Variants in ANKRD44 observed in about 807,000 individuals in gnomAD.
The protein encoded by ANKRD44 is ankyrin repeat domain 44.
In ANKRD44, 35 loss-of-function variants were observed where a neutral mutation model predicts 116.0. The ratio of observed to expected loss-of-function variants is 0.30; its 90% CI spans 0.23 to 0.40. The LOEUF is 0.40. Among genes scored for constraint, ANKRD44 ranks in the 10% least tolerant of loss-of-function variants. ANKRD44 has a pLI of 1.00. For missense variants in ANKRD44, 1,014 were observed against 1,242.6 expected, an observed-to-expected ratio of 0.82 and a Z score of 2.77; for synonymous variants, 435 against 461.8, an observed-to-expected ratio of 0.94 and a Z score of 0.74.
At chr2:197,165,531 A>T (rs1320129678) in intron 2 of ANKRD44, among the ~76,000 whole-genome samples, 3 of 152,248 alleles carry the variant, frequency 2.0e-5, no homozygotes, top group Non-Finnish European at 4.4e-5. Flanking sequence ...ACCTGTAAGC[A>T]GCTAGGAATA....
At chr2:197,197,904 C>G (rs527933284) in intron 1 of ANKRD44, 1 of 152,092 alleles carries the variant, frequency 6.6e-6, no homozygotes, top group African/African-American at 2.4e-5. Flanking sequence ...CAGTCTCTCC[C>G]TTGATGAGGT....
intron 18 of ANKRD44, among the ~76,000 whole-genome samples, chr2:197,011,131 C>T (rs1281709022): frequency 6.6e-6 from 1 of 152,134 alleles, no homozygotes; most frequent in East Asian, 1.9e-4. Context: ...AATCTGCTAC[C>T]ATTGGTGAAG....
intron 1 of ANKRD44, among the ~76,000 whole-genome samples, chr2:197,188,783 C>G (rs2080751550): frequency 6.6e-6 from 1 of 152,116 alleles, no homozygotes; most frequent in South Asian, 2.1e-4. Context: ...CTAGAAATAT[C>G]TTAGTCCTAG....
intron 17 of ANKRD44, among the ~76,000 whole-genome samples, chr2:197,022,697 G>A (rs773588744): frequency 1.3e-5 from 2 of 152,162 alleles, no homozygotes; most frequent in Non-Finnish European, 2.9e-5. Flanking sequence ...GAGATTCTAT[G>A]CTACGTAAAA....
At chr2:197,288,598 T>A (rs1365908232) in intron 1 of ANKRD44, among the ~76,000 whole-genome samples, 1 of 151,578 alleles carries the variant, frequency 6.6e-6, no homozygotes, top group Non-Finnish European at 1.5e-5. Flanking sequence ...CATCAACAGA[T>A]GAATGGATAA....
chr2:197,304,404 C>T (rs1284270188), intron 1 of ANKRD44, among the ~76,000 whole-genome samples: 2 of 152,192 alleles, frequency 1.3e-5, no homozygotes, highest in African/African-American at 2.4e-5. Flanking sequence ...AGTCCTAAGT[C>T]ATTGACATGG....
At chr2:196,977,117 A>G (rs2075766583) in intron 21 of ANKRD44, among the ~76,000 whole-genome samples, 2 of 152,230 alleles carry the variant, frequency 1.3e-5, no homozygotes, top group African/African-American at 4.8e-5. Context: ...TGAATTTAAC[A>G]AAATAAGTGC....
chr2:197,283,434 A>T (rs928073576), intron 1 of ANKRD44, among the ~76,000 whole-genome samples: 3 of 152,244 alleles, frequency 2.0e-5, no homozygotes, highest in Non-Finnish European at 2.9e-5. Context: ...CTGAAATCTC[A>T]GTATGAATCT....
At chr2:197,279,162 A>T (rs1270052985) in intron 1 of ANKRD44, among the ~76,000 whole-genome samples, 1 of 152,224 alleles carries the variant, frequency 6.6e-6, no homozygotes. Flanking sequence ...AAAGACTGAT[A>T]AAATATTGCC....
At chr2:197,214,464 G>A (rs1406181130) in intron 1 of ANKRD44, among the ~76,000 whole-genome samples, 1 of 152,126 alleles carries the variant, frequency 6.6e-6, no homozygotes, top group Non-Finnish European at 1.5e-5. Context: ...CAATGAGATA[G>A]CAAGTCTATA....
intron 17 of ANKRD44, chr2:197,016,077 CAGGTTACTTTGAGACA>C: frequency 2.2e-6 from 1 of 459,078 alleles, no homozygotes; most frequent in Admixed American, 2.5e-5. Flanking sequence ...AGGAGAGCTG[CAGGTTACTTTGAGACA>C]ATTGTCCCAA....
At chr2:197,208,435 C>G (rs2081255856) in intron 1 of ANKRD44, among the ~76,000 whole-genome samples, 1 of 152,134 alleles carries the variant, frequency 6.6e-6, no homozygotes, top group Admixed American at 6.5e-5. Flanking sequence ...GGTTCAGTTC[C>G]CAGTGAGAGA....
At chr2:197,249,826 A>C (rs1363461341) in intron 1 of ANKRD44, among the ~76,000 whole-genome samples, 1 of 152,252 alleles carries the variant, frequency 6.6e-6, no homozygotes, top group Non-Finnish European at 1.5e-5. Flanking sequence ...GGTTTAAAAT[A>C]CATAAGACAG....
chr2:197,206,226 C>A (rs182121882), intron 1 of ANKRD44, among the ~76,000 whole-genome samples: 1 of 152,278 alleles, frequency 6.6e-6, no homozygotes, highest in Non-Finnish European at 1.5e-5. Flanking sequence ...TTTTTTCACT[C>A]ATTCTTTCAG....
intron 2 of ANKRD44, among the ~76,000 whole-genome samples, chr2:197,158,507 GA>G (rs2079878088): frequency 6.6e-6 from 1 of 152,106 alleles, no homozygotes; most frequent in South Asian, 2.1e-4. Flanking sequence ...ATAACTAAAA[GA>G]ATAACATAAT....
At chr2:197,220,500 G>C (rs1052982571) in intron 1 of ANKRD44, among the ~76,000 whole-genome samples, 9 of 152,200 alleles carry the variant, frequency 5.9e-5, no homozygotes, top group African/African-American at 2.2e-4. Context: ...AAATGCAACA[G>C]AGAGTTGTCA....
chr2:197,061,783 C>CCTT (rs1553498809), intron 16 of ANKRD44, among the ~76,000 whole-genome samples: 1 of 143,768 alleles, frequency 7.0e-6, no homozygotes, highest in Non-Finnish European at 1.5e-5. Context: ...ATATCCATGC[C>CCTT]TTTTTTTTTT....
chr2:197,267,460 G>A (rs540082401), intron 1 of ANKRD44, among the ~76,000 whole-genome samples: 2 of 152,286 alleles, frequency 1.3e-5, no homozygotes, highest in African/African-American at 4.8e-5. Flanking sequence ...GCCTCTGAGG[G>A]CCTAAGGCCT....
At chr2:197,275,954 T>G (rs1225823618) in intron 1 of ANKRD44, among the ~76,000 whole-genome samples, 1 of 152,068 alleles carries the variant, frequency 6.6e-6, no homozygotes, top group Non-Finnish European at 1.5e-5. Flanking sequence ...ACCCTATAAA[T>G]TGAGGGAAGG....
Sources: gnomAD v4.1 joint callset for allele counts (sites outside exome capture counted in the v4.1 genomes callset) on GRCh38, gnomAD v4.1.1 for gene constraint, MANE v1.5 for transcripts, NCBI Gene and HGNC (gene_info 2026-07-23, HGNC 2026-07-21) for gene names.